The following KCTD1 variants were observed in gnomAD, a reference collection of about 807,000 sequenced individuals.
KCTD1 encodes the protein BTB/POZ domain-containing protein KCTD1.
KCTD1 carries 24 observed loss-of-function variants against 66.0 expected under a neutral mutation model. That is an observed-to-expected ratio of 0.36 (90% confidence interval 0.26 to 0.51). The LOEUF (loss-of-function observed/expected upper bound fraction) is 0.51. Ranked by LOEUF, KCTD1 falls within the 20% of genes least tolerant of loss-of-function variation. The pLI, the probability that KCTD1 is intolerant of heterozygous loss-of-function variation, is 0.95. For missense variants in KCTD1, 943 were observed against 1,205.2 expected (o/e 0.78, Z 3.22); for synonymous variants, 511 against 517.2 (o/e 0.99, Z 0.16).
chr18:26,544,314 C>G (rs1010707878), intron 1 of KCTD1: 10 of 152,136 alleles, frequency 6.6e-5, no homozygotes, highest in Admixed American at 5.2e-4. Flanking sequence ...ATTTTTTAAC[C>G]AGTCCCATAA....
intron 2 of KCTD1, among the ~76,000 whole-genome samples, chr18:26,498,809 A>G (rs1177550447): frequency 6.6e-6 from 1 of 152,174 alleles, no homozygotes; most frequent in Non-Finnish European, 1.5e-5. Flanking sequence ...ATATCCATGG[A>G]AAGATGGGCT....
At chr18:26,512,961 A>G (rs896487297) in intron 1 of KCTD1, among the ~76,000 whole-genome samples, 6 of 152,076 alleles carry the variant, frequency 3.9e-5, no homozygotes, top group African/African-American at 1.4e-4. Context: ...AGCCTGGGCA[A>G]CGCAGAAAGA....
At chr18:26,600,344 A>C (rs968761342) in intron 1 of KCTD1, 5 of 1,441,638 alleles carry the variant, frequency 3.5e-6, no homozygotes, top group Non-Finnish European at 4.9e-6. Flanking sequence ...GATGCCTAGG[A>C]AGGGCCTGAC....
intron 3 of KCTD1, among the ~76,000 whole-genome samples, chr18:26,474,179 T>C (rs1011196229): frequency 1.3e-5 from 2 of 152,210 alleles, no homozygotes; most frequent in African/African-American, 4.8e-5. Context: ...TCCCCCCACA[T>C]ATCAACAGAT....
chr18:26,591,870 A>G (rs1408743900), intron 1 of KCTD1, among the ~76,000 whole-genome samples: 1 of 152,258 alleles, frequency 6.6e-6, no homozygotes, highest in African/African-American at 2.4e-5. Flanking sequence ...GGACTGTTAG[A>G]CATGGAAGCA....
At chr18:26,550,565 G>GACAGACACACACAC (rs1985517746), upstream of KCTD1, among the ~76,000 whole-genome samples, 4 of 140,490 alleles carry the variant, frequency 2.8e-5, no homozygotes, top group African/African-American at 1.1e-4. This position sits in a 1 kb window ranked among gnomAD's most constrained non-coding sequence, Gnocchi z 5.4. Flanking sequence ...AAGACACACA[G>GACAGACACACACAC]ACACACACAC....
At chr18:26,580,686 G>A (rs143785483) in intron 1 of KCTD1, among the ~76,000 whole-genome samples, 6 of 152,290 alleles carry the variant, frequency 3.9e-5, no homozygotes, top group African/African-American at 1.4e-4. Context: ...TGGGGTCAGC[G>A]TACCATGGCC....
intron 1 of KCTD1, among the ~76,000 whole-genome samples, chr18:26,517,071 G>A (rs1567976963): frequency 6.6e-6 from 1 of 152,166 alleles, no homozygotes; most frequent in African/African-American, 2.4e-5. Context: ...CCAGTAACCA[G>A]GGGGAGCTAG....
chr18:26,603,283 C>A (rs2144974521), intron 1 of KCTD1, among the ~76,000 whole-genome samples: 1 of 151,756 alleles, frequency 6.6e-6, no homozygotes, highest in African/African-American at 2.4e-5. Flanking sequence ...TACAAAAAAA[C>A]TAGCCAGACA....
intron 1 of KCTD1, among the ~76,000 whole-genome samples, chr18:26,542,422 G>A (rs1406864554): frequency 6.6e-6 from 1 of 152,210 alleles, no homozygotes; most frequent in Non-Finnish European, 1.5e-5. Flanking sequence ...CAGACCTACA[G>A]ATGACTAGTT....
intron 1 of KCTD1, among the ~76,000 whole-genome samples, chr18:26,560,420 G>A (rs187607128): frequency 3.1e-4 from 47 of 152,184 alleles, no homozygotes; most frequent in African/African-American, 9.9e-4. Context: ...TGGTTCCTGC[G>A]ATTGGCTGCA....
At chr18:26,517,437 C>A (rs1455229113) in intron 1 of KCTD1, among the ~76,000 whole-genome samples, 1 of 152,112 alleles carries the variant, frequency 6.6e-6, no homozygotes, top group Admixed American at 6.6e-5. Context: ...GGGCAGATCA[C>A]CTGCGGTTGA....
chr18:26,549,444 G>A (rs943554620), upstream of KCTD1: 4 of 985,626 alleles, frequency 4.1e-6, no homozygotes, highest in Admixed American at 1.2e-4. Flanking sequence ...AGCCAGCCCC[G>A]GGAAGGAGCG....
chr18:26,551,511 A>G (rs1297516578), upstream of KCTD1, among the ~76,000 whole-genome samples: 1 of 152,122 alleles, frequency 6.6e-6, no homozygotes, highest in Admixed American at 6.6e-5. Flanking sequence ...CAGCTCCGGA[A>G]AGGCTACCAA....
chr18:26,490,034 T>C (rs1486626480), intron 2 of KCTD1, among the ~76,000 whole-genome samples: 1 of 152,230 alleles, frequency 6.6e-6, no homozygotes, highest in African/African-American at 2.4e-5. Flanking sequence ...AATGATATTA[T>C]TCATGACTGA....
intron 1 of KCTD1, among the ~76,000 whole-genome samples, chr18:26,620,833 C>CTTT (rs67862567): frequency 3.0e-4 from 35 of 118,312 alleles, no homozygotes; most frequent in African/African-American, 6.1e-4. Flanking sequence ...ACTTGAAAAG[C>CTTT]TTTTTTTTTT....
chr18:26,562,799 TGA>T (rs1985891241), intron 1 of KCTD1, among the ~76,000 whole-genome samples: 1 of 152,188 alleles, frequency 6.6e-6, no homozygotes, highest in South Asian at 2.1e-4. Flanking sequence ...CTTCTCTGTG[TGA>T]GAGCCTGGAG....
At chr18:26,583,887 TTTTCTTAAGCACA>T (rs1469590530) in intron 1 of KCTD1, among the ~76,000 whole-genome samples, 1 of 152,200 alleles carries the variant, frequency 6.6e-6, no homozygotes, top group Non-Finnish European at 1.5e-5. Flanking sequence ...ATGGTAGCTG[TTTTCTTAAGCACA>T]GGACAGCCAC....
intron 1 of KCTD1, among the ~76,000 whole-genome samples, chr18:26,524,846 T>TA (rs894603814): frequency 1.3e-5 from 2 of 151,662 alleles, no homozygotes; most frequent in Non-Finnish European, 2.9e-5. Flanking sequence ...TTTTTTAATT[T>TA]AAAAAAAAAT....
Sources: gnomAD v4.1 joint callset for allele counts (sites outside exome capture counted in the v4.1 genomes callset) on GRCh38, gnomAD v4.1.1 for gene constraint, Gnocchi (gnomAD v3.1) non-coding constraint, MANE v1.5 for transcripts, NCBI Gene and HGNC (gene_info 2026-07-23, HGNC 2026-07-21) for gene names.